ZBTB38: variants seen among roughly 807,000 people sequenced by gnomAD.
ZBTB38 encodes zinc finger and BTB domain containing 38, also known as zinc finger and BTB domain-containing protein 38.
Under a neutral mutation model 76.8 loss-of-function variants are expected in ZBTB38, and 20 were observed. The observed-to-expected ratio is 0.26, with a 90% confidence interval of 0.18 to 0.38. ZBTB38 has a LOEUF of 0.38. Among genes scored for constraint, ZBTB38 ranks in the 10% least tolerant of loss-of-function variants. The pLI is 1.00. For synonymous variants in ZBTB38, 504 were observed against 544.2 expected (o/e 0.93, Z 1.03); for missense variants, 1,082 against 1,482.3 (o/e 0.73, Z 4.43).
Position 141,391,286 on chromosome 3 carries a change from T to C in ZBTB38, c.-106+4349T>C, listed in dbSNP as rs1399925116. On this transcript the variant is annotated intron_variant, in intron 4 of 5. Transcript: ENST00000321464. ...TAGCATTTAAGTGAAGATCGTGTGC[T>C]GAGAAGGATCTAGTCAGGTGAAGAT... 5.9e-5 allele frequency among the ~76,000 whole-genome samples: 9 copies of C among 152,340 alleles called. No homozygotes were observed. The East Asian group carries it at 1.5e-3, about 26-fold the overall frequency.
chr3:141,434,627 A>G (rs148046959), intron 5 of ZBTB38, among the ~76,000 whole-genome samples: 262 of 152,282 alleles, frequency 1.7e-3, no homozygotes, highest in South Asian at 7.3e-3. Flanking sequence ...TGTTTTTATT[A>G]TATAAGGCTG....
At chr3:141,398,812 T>C (rs1950985384) in intron 4 of ZBTB38, among the ~76,000 whole-genome samples, 1 of 152,206 alleles carries the variant, frequency 6.6e-6, no homozygotes, top group South Asian at 2.1e-4. Flanking sequence ...AATAATTCCT[T>C]AATAACATCA....
At chr3:141,405,605 T>G (rs1267144998) in intron 5 of ZBTB38, 1 of 152,230 alleles carries the variant, frequency 6.6e-6, no homozygotes, top group East Asian at 1.9e-4. Flanking sequence ...TAGAGATAGC[T>G]CTAAGAATTG....
intron 5 of ZBTB38, among the ~76,000 whole-genome samples, chr3:141,437,240 ACT>A (rs2079012585): frequency 6.6e-6 from 1 of 151,862 alleles, no homozygotes; most frequent in Non-Finnish European, 1.5e-5. Context: ...AGGGCATGAA[ACT>A]CTGACTCTGT....
At chr3:141,364,674 TC>T (rs1943909214), upstream of ZBTB38, among the ~76,000 whole-genome samples, 2 of 16,444 alleles carry the variant, frequency 1.2e-4, no homozygotes, top group African/African-American at 3.6e-4. Context: ...GGAAACTACA[TC>T]TAAAAAAAAA....
chr3:141,412,666 A>T (rs917345706), intron 5 of ZBTB38, among the ~76,000 whole-genome samples: 2 of 152,040 alleles, frequency 1.3e-5, no homozygotes, highest in African/African-American at 4.8e-5. Flanking sequence ...TGAATAGGGG[A>T]ACTATGTAGG....
At chr3:141,352,791 A>T (rs1305553277) in intron 1 of ZBTB38, among the ~76,000 whole-genome samples, 2 of 152,022 alleles carry the variant, frequency 1.3e-5, no homozygotes, top group Non-Finnish European at 2.9e-5. Flanking sequence ...GGGCCACTAC[A>T]TGCTGCAGCC....
At chr3:141,359,461 C>T (rs890332124) in intron 1 of ZBTB38, among the ~76,000 whole-genome samples, 8 of 152,140 alleles carry the variant, frequency 5.3e-5, no homozygotes, top group African/African-American at 1.9e-4. Flanking sequence ...GAGCTGTGCC[C>T]AGCAAGAAGG....
At chr3:141,362,139 G>A (rs1375169144) in intron 1 of ZBTB38, among the ~76,000 whole-genome samples, 1 of 152,058 alleles carries the variant, frequency 6.6e-6, no homozygotes, top group Non-Finnish European at 1.5e-5. Flanking sequence ...TTTGTGGAGG[G>A]GAAAGAGTTT....
intron 1 of ZBTB38, among the ~76,000 whole-genome samples, chr3:141,328,153 C>T (rs990225189): frequency 1.3e-5 from 2 of 152,208 alleles, no homozygotes; most frequent in African/African-American, 4.8e-5. Context: ...CCCTCTCTTC[C>T]AGTTCACCTT....
intron 1 of ZBTB38, among the ~76,000 whole-genome samples, chr3:141,349,146 C>T (rs1393018355): frequency 2.0e-5 from 3 of 152,136 alleles, no homozygotes; most frequent in Non-Finnish European, 4.4e-5. Context: ...CTCCCTCACT[C>T]CACTAAAAAT....
Position 141,443,221 on chromosome 3 carries a change from C to T in ZBTB38, c.833C>T (p.Ala278Val). ...TCCATACCACAGGATTCGGATTCAG[C>T]CACAGAAAATATACCACCCCCTCCA... ...TFSIPQDSDSATENIPPPPVS... is the reference protein window; with the variant it reads ...TFSIPQDSDSVTENIPPPPVS... The change falls in exon 6 of 6, where the codon GCC (alanine) becomes GTC (valine). Residue 278 changes from alanine (A) to valine (V), a missense_variant. Physicochemically the swap from Ala to Val is moderately conservative, Grantham distance 64. Around this residue, in one of 8 missense-constraint regions of ZBTB38, gnomAD observed 324 missense variants for 359.1 expected, o/e 0.90. Coordinates refer to ENST00000321464, the MANE Select transcript of ZBTB38 (RefSeq NM_001376113.1). This position sits in a 1 kb window ranked among gnomAD's most constrained non-coding sequence, Gnocchi z 5.6. 2 of 1,614,188 alleles carry T rather than the reference C, an allele frequency of 1.2e-6. No individual in the cohort carries two copies. Among genetic ancestry groups the T allele is most frequent in the Non-Finnish European group, 1.7e-6 (2 of 1,180,030 alleles).
chr3:141,382,030 G>A (rs1470608433), intron 3 of ZBTB38, among the ~76,000 whole-genome samples: 2 of 152,022 alleles, frequency 1.3e-5, no homozygotes, highest in Admixed American at 1.3e-4. Flanking sequence ...AAATATGTTG[G>A]AAAAAAATCA....
chr3:141,361,259 A>T (rs139132187), intron 1 of ZBTB38, among the ~76,000 whole-genome samples: 362 of 152,262 alleles, frequency 2.4e-3, no homozygotes, highest in African/African-American at 8.4e-3. Flanking sequence ...AGGGCAAAAT[A>T]TTCTCTGCTT....
chr3:141,420,064 G>T (rs533270062), intron 5 of ZBTB38, among the ~76,000 whole-genome samples: 3 of 152,238 alleles, frequency 2.0e-5, no homozygotes, highest in African/African-American at 7.2e-5. Flanking sequence ...TCTGTGTTTG[G>T]GTTGAGAAGG....
At chr3:141,437,375 C>T (rs990002821) in intron 5 of ZBTB38, among the ~76,000 whole-genome samples, 1 of 152,146 alleles carries the variant, frequency 6.6e-6, no homozygotes, top group Admixed American at 6.5e-5. Context: ...ACTCCCATAC[C>T]TTTTCCCTGC....
chr3:141,384,635 CT>C (rs1386591393), intron 3 of ZBTB38, among the ~76,000 whole-genome samples: 1 of 152,194 alleles, frequency 6.6e-6, no homozygotes. Flanking sequence ...GCGTGATCAT[CT>C]CTCTAATTCT....
At chr3:141,376,623 T>C (rs947026103) in intron 2 of ZBTB38, among the ~76,000 whole-genome samples, 6 of 152,212 alleles carry the variant, frequency 3.9e-5, no homozygotes, top group Admixed American at 6.5e-5. Flanking sequence ...ATGTTTGCCT[T>C]ATGTAAAACC....
intron 1 of ZBTB38, among the ~76,000 whole-genome samples, chr3:141,356,483 G>A (rs943998306): frequency 3.9e-5 from 6 of 152,232 alleles, no homozygotes; most frequent in South Asian, 4.1e-4. Context: ...GGGAAGCCTC[G>A]GTATTTGGTC....
Sources: allele counts gnomAD v4.1 joint callset (sites outside exome capture counted in the v4.1 genomes callset), GRCh38; gene constraint gnomAD v4.1.1; regional missense constraint gnomAD v4.1.1; non-coding constraint Gnocchi (gnomAD v3.1); transcripts MANE v1.5; gene names NCBI Gene and HGNC (gene_info 2026-07-23, HGNC 2026-07-21).